The following EVL variants were observed in gnomAD, a reference collection of about 807,000 sequenced individuals.
EVL encodes Enah/Vasp-like, also known as ena/VASP-like protein.
Under a neutral mutation model 59.6 loss-of-function variants are expected in EVL, and 21 were observed. The observed-to-expected ratio is 0.35, with a 90% confidence interval of 0.25 to 0.51. The LOEUF is 0.51. EVL is among the 20% of genes least tolerant of loss of function. The probability of loss-of-function intolerance (pLI) is 0.97; values close to 1 mark genes in which losing one functional copy is unlikely to be tolerated. For synonymous variants in EVL, 198 were observed against 203.5 expected (o/e 0.97, Z 0.23); for missense variants, 462 against 546.6 (o/e 0.85, Z 1.54).
chr14:100,105,420 G>C (rs1595186081), intron 3 of EVL, among the ~76,000 whole-genome samples: 1 of 152,000 alleles, frequency 6.6e-6, no homozygotes, highest in Non-Finnish European at 1.5e-5. Context: ...TGCTGACTGT[G>C]TGACTTCATC....
intron 1 of EVL, among the ~76,000 whole-genome samples, chr14:100,043,960 C>T (rs536808406): frequency 3.9e-5 from 6 of 152,104 alleles, no homozygotes; most frequent in South Asian, 4.2e-4. Flanking sequence ...GGTATTGAGT[C>T]GTGATTATGG....
chr14:99,975,175 T>C (rs900496147), intron 1 of EVL: 1 of 152,306 alleles, frequency 6.6e-6, no homozygotes, highest in African/African-American at 2.4e-5. Context: ...AGAACTCTTT[T>C]AGCATTTTAA....
chr14:100,126,271 C>A (rs1341467317), intron 4 of EVL, among the ~76,000 whole-genome samples: 2 of 152,214 alleles, frequency 1.3e-5, no homozygotes, highest in African/African-American at 4.8e-5. Flanking sequence ...GGAGTGTGGC[C>A]TTTGTGTCCA....
Position 100,128,651 on chromosome 14 carries a change from T to G in EVL, c.620T>G (p.Leu207Arg). 1.0e-6 allele frequency: 1 copy of G among 976,762 alleles called. No homozygotes were observed. Among genetic ancestry groups the G allele is most frequent in the Non-Finnish European group, 1.4e-6 (1 of 718,844 alleles). The allele number at this position is 976,762 out of a possible 1,614,324, so 60.5% of individuals were successfully genotyped here. ...GCTACCCCACCTCCCCCACCCCCAC[T>G]GCCAGCCGGAGGAGCCCAGGGGTCC... ...TGATPPPPPP[L>R]PAGGAQGSSH... Residue 207 changes from leucine to arginine, a missense_variant, in exon 6 of 14, where the codon CTG (leucine) becomes CGG (arginine). By Grantham distance (102) the Leu-to-Arg change is moderately radical (BLOSUM62 -2). Coordinates refer to ENST00000392920, the MANE Select transcript of EVL (RefSeq NM_016337.3).
intron 1 of EVL, among the ~76,000 whole-genome samples, chr14:100,077,115 C>G (rs2062179052): frequency 1.3e-5 from 2 of 152,092 alleles, no homozygotes; most frequent in African/African-American, 4.8e-5. Context: ...GTCAGTTTGC[C>G]TTTGAGGAAG....
chr14:100,134,042 C>T lies in EVL; in HGVS notation c.900+1263C>T, dbSNP rs74655651. ...AGCCCCGGTCTTCTCCCGAGGCCCTCTGCACAGGCACGACTGCTTGTGGAG... is the reference window on the plus strand; with the variant it reads ...AGCCCCGGTCTTCTCCCGAGGCCCTTTGCACAGGCACGACTGCTTGTGGAG... On this transcript the variant is annotated intron_variant, in intron 8 of 13. Coordinates refer to ENST00000392920, the MANE Select transcript of EVL (RefSeq NM_016337.3). 8.9e-3 allele frequency among the ~76,000 whole-genome samples: 1,350 copies of T among 152,344 alleles called. 19 individuals carry two copies. The highest frequency in any genetic ancestry group is 0.029 in the African/African-American group (1,191 of 41,570).
intron 3 of EVL, 76 bp from the exon 4 acceptor site, chr14:100,123,463 T>G (rs997838313): frequency 4.8e-6 from 7 of 1,463,658 alleles, no homozygotes; most frequent in South Asian, 3.6e-5. Context: ...TGGGCAGAGA[T>G]AGAGAGCACT....
At chr14:100,098,361 G>A (rs969644851) in intron 3 of EVL, among the ~76,000 whole-genome samples, 1 of 152,194 alleles carries the variant, frequency 6.6e-6, no homozygotes, top group Non-Finnish European at 1.5e-5. Flanking sequence ...AAAGGCAGAA[G>A]GGCCTGAGTG....
At chr14:99,976,478 T>C (rs1371133555) in intron 1 of EVL, among the ~76,000 whole-genome samples, 2 of 152,208 alleles carry the variant, frequency 1.3e-5, no homozygotes, top group Non-Finnish European at 2.9e-5. Flanking sequence ...AATCTGTTAG[T>C]TGTTTCCAGT....
intron 1 of EVL, among the ~76,000 whole-genome samples, chr14:100,036,980 C>A (rs148275210): frequency 6.6e-6 from 1 of 152,148 alleles, no homozygotes; most frequent in Non-Finnish European, 1.5e-5. Flanking sequence ...AGAGGAAAGG[C>A]CCTCTAAGGA....
intron 9 of EVL, among the ~76,000 whole-genome samples, chr14:100,136,449 T>G (rs539660742): frequency 6.6e-6 from 1 of 152,324 alleles, no homozygotes; most frequent in Non-Finnish European, 1.5e-5. Context: ...TCTCTCTGTC[T>G]AAGCTGTGGC....
At chr14:100,047,005 G>T (rs892755586) in intron 1 of EVL, among the ~76,000 whole-genome samples, 2 of 150,858 alleles carry the variant, frequency 1.3e-5, no homozygotes, top group East Asian at 2.0e-4. Context: ...CACCCGCCTC[G>T]GCCTCCCAAA....
intron 3 of EVL, chr14:100,106,356 AG>A (rs890016113): frequency 3.9e-5 from 6 of 153,440 alleles, no homozygotes; most frequent in African/African-American, 1.4e-4. Context: ...CTTTACCAAG[AG>A]TTGTTTTCTG....
intron 1 of EVL, among the ~76,000 whole-genome samples, chr14:100,003,578 G>A (rs911121058): frequency 2.0e-5 from 3 of 151,782 alleles, no homozygotes; most frequent in Non-Finnish European, 4.4e-5. Context: ...CACCATTCCC[G>A]GCTAATTTTT....
chr14:100,064,098 G>C (rs989008555), upstream of EVL, among the ~76,000 whole-genome samples: 6 of 152,086 alleles, frequency 3.9e-5, no homozygotes, highest in African/African-American at 1.4e-4. Context: ...GTGCTTAAAG[G>C]GAAATGTATA....
At chr14:100,016,744 C>T (rs945897528) in intron 1 of EVL, among the ~76,000 whole-genome samples, 1 of 152,134 alleles carries the variant, frequency 6.6e-6, no homozygotes, top group African/African-American at 2.4e-5. Flanking sequence ...ATCAAGTGGT[C>T]GAGGATTTCT....
At chr14:100,005,628 AATAC>A (rs1390096225) in intron 1 of EVL, among the ~76,000 whole-genome samples, 15 of 120,798 alleles carry the variant, frequency 1.2e-4, no homozygotes, top group African/African-American at 5.0e-4. Flanking sequence ...AGGCCTTTTA[AATAC>A]ACACACACAC....
upstream of EVL, among the ~76,000 whole-genome samples, chr14:100,063,254 C>T (rs2061867893): frequency 3.9e-5 from 6 of 152,184 alleles, no homozygotes; most frequent in Admixed American, 3.9e-4. Flanking sequence ...CCTGTCCACA[C>T]CGCGGTCAGA....
chr14:100,047,994 T>C (rs932618706), intron 1 of EVL, among the ~76,000 whole-genome samples: 7 of 152,188 alleles, frequency 4.6e-5, no homozygotes, highest in African/African-American at 1.7e-4. Context: ...TAAATCTGAA[T>C]ATAAAATCTA....
Sources: gnomAD v4.1 joint callset for allele counts (sites outside exome capture counted in the v4.1 genomes callset) on GRCh38, gnomAD v4.1.1 for gene constraint, MANE v1.5 for transcripts, NCBI Gene and HGNC (gene_info 2026-07-23, HGNC 2026-07-21) for gene names.